Variants in CD46 observed in about 807,000 individuals in gnomAD.
CD46 encodes membrane cofactor protein.
A neutral mutation model predicts 53.3 loss-of-function variants in CD46; 30 were observed. That is an observed-to-expected ratio of 0.56 (90% CI 0.42 to 0.76). CD46 has a LOEUF of 0.76. CD46 is among the 30% of genes least tolerant of loss of function. The probability of loss-of-function intolerance (pLI) is 0.00; values close to 1 mark genes in which losing one functional copy is unlikely to be tolerated. For missense variants in CD46, 409 were observed against 463.0 expected (o/e 0.88, Z 1.07); for synonymous variants, 142 against 152.0 (o/e 0.93, Z 0.48).
chr1:207,789,164 AT>A (rs1659561093), intron 11 of CD46, among the ~76,000 whole-genome samples: 1 of 152,166 alleles, frequency 6.6e-6, no homozygotes, highest in Non-Finnish European at 1.5e-5. Context: ...ATGCATGATT[AT>A]TTTTTAACTC....
chr1:207,767,173 C>A lies in CD46; in HGVS notation c.834C>A (p.Pro278=), dbSNP rs201331374. Reference sequence around the variant, plus strand: ...GTGACAGTAACAGTACTTGGGATCCCCCAGTTCCAAAGTGTCTTAAAGGTA... The same window carrying A: ...GTGACAGTAACAGTACTTGGGATCCACCAGTTCCAAAGTGTCTTAAAGGTA... The part of the protein sequence containing the change: ...IVCDSNSTWD[P]PVPKCLKVST... The change falls in exon 6 of 13, where the codon CCC becomes CCA. Residue 278 remains proline (P), a synonymous_variant. Transcript: ENST00000367042. 6.2e-7 allele frequency: 1 copy of A among 1,613,770 alleles called. No homozygotes were observed. The highest frequency in any genetic ancestry group is 1.7e-5 in the Admixed American group (1 of 60,026).
At chr1:207,764,628 A>T in intron 5 of CD46, among the ~76,000 whole-genome samples, 1 of 152,248 alleles carries the variant, frequency 6.6e-6, no homozygotes, top group Non-Finnish European at 1.5e-5. Context: ...AGAATGAAAA[A>T]GAGAATATCA....
intron 11 of CD46, among the ~76,000 whole-genome samples, chr1:207,788,401 C>T (rs1659480248): frequency 6.6e-6 from 1 of 151,448 alleles, no homozygotes; most frequent in African/African-American, 2.4e-5. Context: ...GCCTGTAGTC[C>T]CAGCTACTCT....
In CD46 at chr1:207,767,885, A is replaced by C. The variant is rs1416856624; in HGVS notation, c.901+62A>C. ...CTTTAAATTCCTGGTGATTTTTTAT[A>C]AAATCCTTCAAATTTCTGGTGATGT... On this transcript the variant is annotated intron_variant, in intron 7 of 12. Coordinates refer to ENST00000367042, the MANE Select transcript of CD46 (RefSeq NM_172351.3). 8 of 1,299,840 alleles carry C rather than the reference A, an allele frequency of 6.2e-6. No homozygotes were observed. In the African/African-American group the frequency reaches 1.2e-4, roughly 19 times the overall value. 80.5% of individuals were successfully genotyped at this position (1,299,840 alleles called of 1,614,324 possible).
chr1:207,789,809 C>G (rs563207309), intron 11 of CD46, among the ~76,000 whole-genome samples: 1 of 140,668 alleles, frequency 7.1e-6, no homozygotes, highest in African/African-American at 2.7e-5. Context: ...CGAGGCAGGC[C>G]GATGGCTTGA....
rs576595023 is a variant in CD46 at position 207,767,039 on chromosome 1, G to A, written c.700G>A (p.Glu234Lys). 2.7e-5 allele frequency: 43 copies of A among 1,613,534 alleles called. No homozygotes were observed. The highest frequency in any genetic ancestry group is 2.1e-4 in the South Asian group (19 of 91,040). ...GGTCAAATGTCGATTTCCAGTAGTC[G>A]AAAATGGAAAACAGATATCAGGATT... ...KVVKCRFPVV[E>K]NGKQISGFGK... The change falls in exon 6 of 13, where the codon GAA becomes AAA. Residue 234 changes from glutamate (E) to lysine (K), a missense_variant. Transcript: ENST00000367042.
intron 8 of CD46, 64 bp downstream of exon 8, chr1:207,770,426 T>A: frequency 8.3e-7 from 1 of 1,200,110 alleles, no homozygotes; most frequent in Non-Finnish European, 1.2e-6. Flanking sequence ...TATTATACTT[T>A]AAGCTCTAGG....
At chr1:207,784,458 TA>T (rs1004699345) in intron 9 of CD46, among the ~76,000 whole-genome samples, 1 of 152,228 alleles carries the variant, frequency 6.6e-6, no homozygotes, top group Non-Finnish European at 1.5e-5. Flanking sequence ...ATGTGGTAGC[TA>T]TAGAGAAAAA....
rs146655610 is a variant in CD46 at position 207,770,477 on chromosome 1, G to A, written c.943+115G>A. The A allele has an allele frequency of 6.7e-3, 4,914 of 733,740 alleles. 33 individuals are homozygous for A. The highest frequency in any genetic ancestry group is 0.03 in the Middle Eastern group (76 of 2,554). The allele number at this position is 733,740 out of a possible 1,614,324, so 45.5% of individuals were successfully genotyped here. A position where few individuals can be genotyped will look rare whatever the true frequency, so the allele number is the denominator to read the frequency against. On this transcript the variant is annotated intron_variant, in intron 8 of 12. Coordinates refer to ENST00000367042, the MANE Select transcript of CD46 (RefSeq NM_172351.3). ...GTGCAGGTTTGTTACATAGGTATAC[G>A]TGTGCCATGTTGGTTTGCTGCACCC... is the stretch of plus-strand genomic sequence containing the variant.
Position 207,794,392 on chromosome 1 carries a change from T to A in CD46, c.*915T>A, listed in dbSNP as rs1660069210. On this transcript the variant is annotated 3_prime_UTR_variant, in exon 13 of 13. Coordinates refer to ENST00000367042, the MANE Select transcript of CD46 (RefSeq NM_172351.3). ...GTCTTGTTGTTTTCCCAAAGAGAAC[T>A]CCGTATGTTCTCTTAGGTTGAGTAA... is the stretch of plus-strand genomic sequence containing the variant. 1 of 152,186 alleles carries A rather than the reference T, an allele frequency of 6.6e-6. No individual in the cohort carries two copies. 9.4% of individuals were successfully genotyped at this position (152,186 alleles called of 1,614,324 possible).
intron 5 of CD46, among the ~76,000 whole-genome samples, chr1:207,765,442 G>A (rs1004878154): frequency 6.6e-6 from 1 of 152,108 alleles, no homozygotes; most frequent in African/African-American, 2.4e-5. Flanking sequence ...TTACATTTCT[G>A]TCTAATTAAT....
intron 4 of CD46, chr1:207,759,946 G>A: frequency 2.4e-6 from 1 of 422,344 alleles, no homozygotes; most frequent in South Asian, 2.6e-5. Context: ...ACGGTCTCAG[G>A]CTATTTCCCA....
intron 8 of CD46, among the ~76,000 whole-genome samples, chr1:207,771,492 A>G (rs948541199): frequency 2.0e-5 from 3 of 151,864 alleles, no homozygotes; most frequent in African/African-American, 7.3e-5. Flanking sequence ...CCTGAATGGT[A>G]TTGCCTAGGT....
intron 12 of CD46, among the ~76,000 whole-genome samples, chr1:207,791,158 C>A (rs1023726038): frequency 6.6e-6 from 1 of 152,150 alleles, no homozygotes; most frequent in Non-Finnish European, 1.5e-5. Flanking sequence ...GCGGTCTGGG[C>A]CTACCCAGTC....
intron 8 of CD46, among the ~76,000 whole-genome samples, chr1:207,770,938 A>G (rs1657451714): frequency 6.6e-6 from 1 of 152,188 alleles, no homozygotes; most frequent in Non-Finnish European, 1.5e-5. Flanking sequence ...TACTGGGTCA[A>G]ATGGTATTTC....
intron 2 of CD46, 81 bp from the exon 3 acceptor site, chr1:207,757,459 A>C: frequency 1.1e-6 from 1 of 914,782 alleles, no homozygotes. Context: ...CACCCATTCA[A>C]AAGAGCACTG....
chr1:207,763,955 CTTTT>C (rs11345183), intron 5 of CD46, among the ~76,000 whole-genome samples: 6 of 126,592 alleles, frequency 4.7e-5, no homozygotes, highest in Admixed American at 7.7e-5. Context: ...AGCTGCTACA[CTTTT>C]TTTTTTTTTT....
Position 207,757,025 on chromosome 1 carries a change from G to A in CD46, c.109G>A (p.Glu37Lys), listed in dbSNP as rs1417333803. 3 of 1,613,614 alleles carry A rather than the reference G, an allele frequency of 1.9e-6. No individual in the cohort carries two copies. The highest frequency in any genetic ancestry group is 1.7e-6 in the Non-Finnish European group (2 of 1,179,736). The change falls in exon 2 of 13, where the codon GAG (glutamate) becomes AAG (lysine). Residue 37 changes from glutamate to lysine, a missense_variant. Transcript: ENST00000367042. ...TCTCTTATCCCTAGATGCCTGTGAGGAGCCACCAACATTTGAAGCTATGGA... is the reference window on the plus strand; with the variant it reads ...TCTCTTATCCCTAGATGCCTGTGAGAAGCCACCAACATTTGAAGCTATGGA... ...LLYSFSDACE[E>K]PPTFEAMELI...
chr1:207,767,222 TG>T (rs757165980), intron 6 of CD46, 27 bp downstream of exon 6: 1 of 1,585,558 alleles, frequency 6.3e-7, no homozygotes, highest in East Asian at 2.2e-5. Context: ...TTTTCTGTCT[TG>T]GTTTGTTATT....
Sources: allele counts gnomAD v4.1 joint callset (sites outside exome capture counted in the v4.1 genomes callset), GRCh38; gene constraint gnomAD v4.1.1; transcripts MANE v1.5; gene names NCBI Gene and HGNC (gene_info 2026-07-23, HGNC 2026-07-21).